PARD3B: variants seen among roughly 807,000 people sequenced by gnomAD.
PARD3B encodes the protein par-3 family cell polarity regulator beta.
Under a neutral mutation model 130.2 loss-of-function variants are expected in PARD3B, and 103 were observed. The ratio of observed to expected loss-of-function variants is 0.79; its 90% CI spans 0.67 to 0.93. The LOEUF (loss-of-function observed/expected upper bound fraction) is 0.93, where lower values mean the gene tolerates loss of function less well. Among genes scored for constraint, PARD3B ranks in the 40% least tolerant of loss-of-function variants. The pLI, the probability that PARD3B is intolerant of heterozygous loss-of-function variation, is 0.00. For missense variants in PARD3B, 1,609 were observed against 1,499.2 expected (o/e 1.07, Z -1.21); for synonymous variants, 583 against 553.2 (o/e 1.05, Z -0.76).
chr2:205,554,541 TTTTC>T (rs1309968861), intron 22 of PARD3B, among the ~76,000 whole-genome samples: 5 of 148,258 alleles, frequency 3.4e-5, no homozygotes, highest in African/African-American at 1.2e-4. Flanking sequence ...TCCTGTTTTC[TTTTC>T]TTTAATAGAT....
intron 20 of PARD3B, among the ~76,000 whole-genome samples, chr2:205,472,817 T>A (rs2048883914): frequency 6.6e-6 from 1 of 151,942 alleles, no homozygotes; most frequent in South Asian, 2.1e-4. Context: ...TAGGATTCTG[T>A]GGTTCTGAGA....
At chr2:204,770,936 A>G (rs1289331273) in intron 2 of PARD3B, among the ~76,000 whole-genome samples, 1 of 152,088 alleles carries the variant, frequency 6.6e-6, no homozygotes. Flanking sequence ...TTTTCCTAAC[A>G]AATAACTTGC....
At position 205,195,943 on chromosome 2, in the gene PARD3B, T is replaced by C. The variant is rs534524083; in HGVS notation, c.2140+2623T>C. On this transcript the variant is annotated intron_variant, in intron 15 of 22. Transcript: ENST00000406610. ...TGGATCCTATCAGTAGCCTTGTTTT[T>C]GTTTCATATTTGCTACTAAGACCAA... Among the ~76,000 whole-genome samples, 126 of 152,334 alleles carry C rather than the reference T, an allele frequency of 8.3e-4. 1 individual carries two copies. Among genetic ancestry groups the C allele is most frequent in the African/African-American group, 2.8e-3 (116 of 41,576 alleles).
chr2:205,597,296 A>G (rs1467017847), intron 22 of PARD3B, among the ~76,000 whole-genome samples: 1 of 152,148 alleles, frequency 6.6e-6, no homozygotes, highest in Non-Finnish European at 1.5e-5. Context: ...CTATCTCTAC[A>G]TTAGTTCACT....
intron 2 of PARD3B, among the ~76,000 whole-genome samples, chr2:204,725,905 C>T (rs1398488561): frequency 6.6e-6 from 1 of 152,202 alleles, no homozygotes; most frequent in Non-Finnish European, 1.5e-5. Flanking sequence ...GTGACAGTAG[C>T]TGACAGACCA....
intron 16 of PARD3B, among the ~76,000 whole-genome samples, chr2:205,259,703 T>C (rs1221398740): frequency 6.6e-6 from 1 of 152,180 alleles, no homozygotes; most frequent in Non-Finnish European, 1.5e-5. Context: ...TTTTAGGCCA[T>C]ACTCTCTCAA....
chr2:205,116,572 C>T lies in PARD3B; in HGVS notation c.681-2349C>T, dbSNP rs1348866834. ...TTAGTCTCGGCCTATAACTCCTCGA[C>T]AGCATTAATCTTTAAATTCTGCGAG... is the stretch of plus-strand genomic sequence containing the variant. On this transcript the variant is annotated intron_variant, in intron 6 of 22. Coordinates refer to ENST00000406610, the MANE Select transcript of PARD3B (RefSeq NM_001302769.2). This position sits in a 1 kb window ranked among gnomAD's most constrained non-coding sequence, Gnocchi z 4.5. Among the ~76,000 whole-genome samples, 1 of 152,156 alleles carries T rather than the reference C, an allele frequency of 6.6e-6. No individual in the cohort carries two copies. The highest frequency in any genetic ancestry group is 1.5e-5 in the Non-Finnish European group (1 of 68,030).
rs764641206 is a variant in PARD3B at position 205,350,176 on chromosome 2, CAT to C, written c.2630+48476_2630+48477del. ...AGGTTAAAAGCACATCACAGGCAAACATGTGTTGAACATTATTCTGTGTGTGG... is the reference window on the plus strand; with the variant it reads ...AGGTTAAAAGCACATCACAGGCAAACGTGTTGAACATTATTCTGTGTGTGG... On this transcript the variant is annotated intron_variant, in intron 18 of 22. Transcript: ENST00000406610. Among the ~76,000 whole-genome samples, 302 of 152,332 alleles carry C rather than the reference CAT, an allele frequency of 2.0e-3. 2 individuals carry two copies. Among genetic ancestry groups the C allele is most frequent in the Non-Finnish European group, 3.7e-3 (253 of 68,042 alleles).
chr2:205,363,828 CTGACTTT>C (rs2044489839), intron 18 of PARD3B, among the ~76,000 whole-genome samples: 1 of 137,168 alleles, frequency 7.3e-6, no homozygotes, highest in African/African-American at 2.9e-5. Context: ...CAACGCCTGA[CTGACTTT>C]TTTTTTTTTT....
intron 18 of PARD3B, among the ~76,000 whole-genome samples, chr2:205,345,373 G>A (rs2043712363): frequency 6.6e-6 from 1 of 152,122 alleles, no homozygotes; most frequent in African/African-American, 2.4e-5. Context: ...AAAAATGGAT[G>A]TCTCTTTCTT....
intron 19 of PARD3B, among the ~76,000 whole-genome samples, chr2:205,435,914 A>T (rs1396771389): frequency 6.6e-6 from 1 of 152,130 alleles, no homozygotes; most frequent in Non-Finnish European, 1.5e-5. Context: ...CCATTATCTT[A>T]GTCCATTTTT....
At position 205,122,018 on chromosome 2, in the gene PARD3B, T is replaced by A; in HGVS notation, c.1165+69T>A. 7.7e-7 allele frequency: 1 copy of A among 1,293,846 alleles called. No homozygotes were observed. Among genetic ancestry groups the A allele is most frequent in the Non-Finnish European group, 1.1e-6 (1 of 943,068 alleles). 80.1% of individuals were successfully genotyped at this position (1,293,846 alleles called of 1,614,324 possible). On this transcript the variant is annotated intron_variant, in intron 8 of 22. Coordinates refer to ENST00000406610, the MANE Select transcript of PARD3B (RefSeq NM_001302769.2). This position sits in a 1 kb window ranked among gnomAD's most constrained non-coding sequence, Gnocchi z 4.3. The stretch of plus-strand genomic sequence containing the variant: ...TGTAAAATTGGTTAAGAGAAATGCA[T>A]TAAGGCTAATTTAGTTAATTCTCCC...
chr2:205,507,696 C>A (rs1220235220), intron 21 of PARD3B, among the ~76,000 whole-genome samples: 1 of 152,140 alleles, frequency 6.6e-6, no homozygotes, highest in Non-Finnish European at 1.5e-5. Context: ...CTGTCTACGA[C>A]AACTTCGAGT....
chr2:205,542,669 G>A (rs2052208495), intron 21 of PARD3B, among the ~76,000 whole-genome samples: 1 of 152,084 alleles, frequency 6.6e-6, no homozygotes, highest in South Asian at 2.1e-4. Context: ...TCCAACAGTA[G>A]TTGTGTGCTC....
At chr2:204,645,038 T>C (rs2035225529) in intron 1 of PARD3B, among the ~76,000 whole-genome samples, 1 of 152,164 alleles carries the variant, frequency 6.6e-6, no homozygotes, top group Non-Finnish European at 1.5e-5. Flanking sequence ...AGAAGTGATT[T>C]TGTCTTTAGA....
intron 14 of PARD3B, among the ~76,000 whole-genome samples, chr2:205,186,799 T>C (rs1220736717): frequency 6.6e-6 from 1 of 152,192 alleles, no homozygotes; most frequent in East Asian, 1.9e-4. Flanking sequence ...TCAATGTCTC[T>C]AGGGGTTTCA....
chr2:204,857,405 T>C (rs2044995714), intron 2 of PARD3B, among the ~76,000 whole-genome samples: 1 of 151,956 alleles, frequency 6.6e-6, no homozygotes, highest in Non-Finnish European at 1.5e-5. Flanking sequence ...GGAAAATTTG[T>C]TTTCTCACCC....
intron 3 of PARD3B, among the ~76,000 whole-genome samples, chr2:205,036,898 GAACATATATAGCGGACTGTATATATAAAA>G: frequency 6.8e-6 from 1 of 146,376 alleles, no homozygotes; most frequent in Non-Finnish European, 1.5e-5. Context: ...TATATATAAA[GAACATATATAGCGGACTGTATATATAAAA>G]AACATATAGT....
chr2:204,715,623 CA>C (rs2038683432), intron 2 of PARD3B, among the ~76,000 whole-genome samples: 1 of 151,914 alleles, frequency 6.6e-6, no homozygotes, highest in South Asian at 2.1e-4. Context: ...AGGCTTTAGT[CA>C]TATTCCTCTG....
Sources: gnomAD v4.1 joint callset for allele counts (sites outside exome capture counted in the v4.1 genomes callset) on GRCh38, gnomAD v4.1.1 for gene constraint, Gnocchi (gnomAD v3.1) non-coding constraint, MANE v1.5 for transcripts, NCBI Gene and HGNC (gene_info 2026-07-23, HGNC 2026-07-21) for gene names.